Variants in MROH1 observed in about 807,000 individuals in gnomAD.
MROH1 encodes maestro heat like repeat family member 1, also known as maestro heat-like repeat-containing protein family member 1.
A neutral mutation model predicts 116.5 loss-of-function variants in MROH1; 117 were observed. That is an observed-to-expected ratio of 1.00 (90% CI 0.86 to 1.17). MROH1 has a LOEUF of 1.17. MROH1 is among the 50% of genes most tolerant of loss of function. The pLI is 0.00. For synonymous variants in MROH1, 921 were observed against 583.9 expected (o/e 1.58, Z -8.32); for missense variants, 1,873 against 1,338.5 (o/e 1.40, Z -6.23).
At chr8:144,253,492 C>T (rs906156098) in intron 33 of MROH1, among the ~76,000 whole-genome samples, 1 of 152,200 alleles carries the variant, frequency 6.6e-6, no homozygotes, top group East Asian at 1.9e-4. Context: ...CTGTTGTATG[C>T]AGCCTCATGG....
chr8:144,226,211 G>A (rs1013559694), intron 14 of MROH1, among the ~76,000 whole-genome samples: 1 of 151,646 alleles, frequency 6.6e-6, no homozygotes. Context: ...CACTGTGCCC[G>A]GCCTTTTGAG....
chr8:144,241,249 A>T, intron 21 of MROH1, 138 bp downstream of exon 21: 1 of 690,106 alleles, frequency 1.4e-6, no homozygotes, highest in Non-Finnish European at 2.7e-6. Flanking sequence ...GCGTATATGC[A>T]GAGAGGGTGT....
chr8:144,161,246 C>G (rs1819451339), intron 2 of MROH1, among the ~76,000 whole-genome samples, 157 bp downstream of exon 2: 1 of 152,214 alleles, frequency 6.6e-6, no homozygotes, highest in South Asian at 2.1e-4. Context: ...GGCCTGTACC[C>G]TTAATCTCAT....
At chr8:144,230,808 T>TC (rs1370736961) in intron 14 of MROH1, among the ~76,000 whole-genome samples, 7 of 143,820 alleles carry the variant, frequency 4.9e-5, no homozygotes, top group African/African-American at 1.9e-4. Context: ...TTTTCTTTTT[T>TC]TTTTTTTTTT....
In MROH1 at chr8:144,175,169, T is replaced by C. The variant is rs534160713; in HGVS notation, c.169-4286T>C. ...ATTAATGCCCTGCTGCACCTGAGCT[T>C]CTCCTCCCAGCAGCGGATCTGGTCG... On this transcript the variant is annotated intron_variant, in intron 4 of 43. Coordinates refer to ENST00000326134, the MANE Select transcript of MROH1 (RefSeq NM_032450.3). 6.2e-5 allele frequency: 61 copies of C among 983,320 alleles called. No individual in the cohort carries two copies. The African/African-American group carries it at 8.9e-4, about 14-fold the overall frequency. The allele number at this position is 983,320 out of a possible 1,614,324, so 60.9% of individuals were successfully genotyped here. A position where few individuals can be genotyped will look rare whatever the true frequency, so the allele number is the denominator to read the frequency against.
At chr8:144,238,208 G>A (rs1299104784) in intron 14 of MROH1, among the ~76,000 whole-genome samples, 3 of 151,086 alleles carry the variant, frequency 2.0e-5, no homozygotes, top group African/African-American at 7.3e-5. Flanking sequence ...TTCTGAAAGA[G>A]AGGGATTAGA....
chr8:144,258,810 C>G lies in MROH1; in HGVS notation c.3825C>G (p.Leu1275=). 2.6e-6 allele frequency: 2 copies of G among 769,450 alleles called. No individual in the cohort carries two copies. Among genetic ancestry groups the G allele is most frequent in the Non-Finnish European group, 4.8e-6 (2 of 414,502 alleles). The allele number at this position is 769,450 out of a possible 1,614,324, so 47.7% of individuals were successfully genotyped here. A position where few individuals can be genotyped will look rare whatever the true frequency, so the allele number is the denominator to read the frequency against. ...SAVDTLRSML[L]RSGSEDVVQR... is the part of the protein sequence containing the mutation. Reference sequence around the variant, plus strand: ...TGGACACCCTGCGGTCCATGCTACTCCGCAGCGGCAGCGAGGATGTGGTAC... The same window carrying G: ...TGGACACCCTGCGGTCCATGCTACTGCGCAGCGGCAGCGAGGATGTGGTAC... The change falls in exon 36 of 44, where the codon CTC becomes CTG. Residue 1275 remains leucine, a synonymous_variant. Transcript: ENST00000326134.
At chr8:144,169,805 G>A (rs528136393) in intron 4 of MROH1, among the ~76,000 whole-genome samples, 38 of 147,040 alleles carry the variant, frequency 2.6e-4, no homozygotes, top group African/African-American at 8.8e-4. Flanking sequence ...ACCACACACG[G>A]CTAATTTTGT....
At chr8:144,171,136 A>G (rs999955313) in intron 4 of MROH1, among the ~76,000 whole-genome samples, 23 of 152,194 alleles carry the variant, frequency 1.5e-4, no homozygotes, top group African/African-American at 5.1e-4. Context: ...CAGATCTGGC[A>G]GGTGGAGGGC....
chr8:144,175,748 C>T (rs1456623491), intron 4 of MROH1, among the ~76,000 whole-genome samples: 2 of 152,052 alleles, frequency 1.3e-5, no homozygotes, highest in East Asian at 1.9e-4. Flanking sequence ...ACACAGACCC[C>T]ATCTCTAAAA....
intron 19 of MROH1, 62 bp downstream of exon 19, chr8:144,240,215 G>C (rs1312794333): frequency 1.4e-6 from 1 of 698,564 alleles, no homozygotes; most frequent in African/African-American, 1.8e-5. Flanking sequence ...GGGGGTGCTG[G>C]GGTGGCAGAG....
At chr8:144,168,651 C>T (rs377488587) in intron 4 of MROH1, among the ~76,000 whole-genome samples, 2 of 152,292 alleles carry the variant, frequency 1.3e-5, no homozygotes, top group East Asian at 1.9e-4. Context: ...CCCCCCACCA[C>T]GGCACTGTTC....
At chr8:144,162,273 G>T (rs1022855875) in intron 2 of MROH1, among the ~76,000 whole-genome samples, 1 of 151,288 alleles carries the variant, frequency 6.6e-6, no homozygotes, top group Non-Finnish European at 1.5e-5. Flanking sequence ...TTTTAGTACA[G>T]ACTGGATTTT....
In MROH1 at chr8:144,258,920, C is replaced by A; in HGVS notation, c.3929+6C>A. ...GGGGCCACCAGGTTGGCCAGGTGAG[C>A]GGGCCCAGCCCACTGCAGCTCCAGC... On this transcript the variant is annotated splice_donor_region_variant and intron_variant, in intron 36 of 43. Transcript: ENST00000326134. 1.4e-6 allele frequency: 1 copy of A among 737,396 alleles called. No homozygotes were observed. The highest frequency in any genetic ancestry group is 2.5e-6 in the Non-Finnish European group (1 of 397,444). The allele number at this position is 737,396 out of a possible 1,614,324, so 45.7% of individuals were successfully genotyped here.
At chr8:144,166,540 G>T (rs558261988) in intron 3 of MROH1, among the ~76,000 whole-genome samples, 1 of 152,162 alleles carries the variant, frequency 6.6e-6, no homozygotes, top group Non-Finnish European at 1.5e-5. Flanking sequence ...ACTTGTCCCT[G>T]CTCCCTAGAG....
At chr8:144,186,864 A>G (rs1228393246) in intron 7 of MROH1, among the ~76,000 whole-genome samples, 3 of 150,802 alleles carry the variant, frequency 2.0e-5, no homozygotes, top group Non-Finnish European at 4.4e-5. Context: ...AGGCTGAGGC[A>G]GGCGGATTGC....
Position 144,254,838 on chromosome 8 carries a change from C to T in MROH1, c.3454C>T (p.Leu1152=), listed in dbSNP as rs940743848. 1 of 777,132 alleles carries T rather than the reference C, an allele frequency of 1.3e-6. No homozygotes were observed. Among genetic ancestry groups the T allele is most frequent in the Non-Finnish European group, 2.4e-6 (1 of 417,528 alleles). The allele number at this position is 777,132 out of a possible 1,614,324, so 48.1% of individuals were successfully genotyped here. A position where few individuals can be genotyped will look rare whatever the true frequency, so the allele number is the denominator to read the frequency against. ...DSHTCMLWRA[L]AVEPRLAAQV... The stretch of plus-strand genomic sequence containing the variant: ...CCACACCTGCATGCTGTGGCGGGCG[C>T]TGGCGGTGGAGCCTCGCCTAGCTGC... Residue 1152 remains leucine (L), a synonymous_variant, in exon 34 of 44, where the codon CTG becomes TTG. Coordinates refer to ENST00000326134, the MANE Select transcript of MROH1 (RefSeq NM_032450.3).
intron 12 of MROH1, among the ~76,000 whole-genome samples, chr8:144,220,331 G>A (rs367725964): frequency 2.0e-5 from 3 of 152,210 alleles, no homozygotes; most frequent in Admixed American, 1.3e-4. Flanking sequence ...CTTCCCCGGC[G>A]TTGGAACCTG....
chr8:144,239,007 A>AT (rs1240162719), intron 15 of MROH1, 28 bp from the exon 16 acceptor site: 28 of 776,098 alleles, frequency 3.6e-5, no homozygotes, highest in African/African-American at 6.8e-5. Flanking sequence ...CTCTGGGCGG[A>AT]TGCAGACCAG....
Sources: gnomAD v4.1 joint callset for allele counts (sites outside exome capture counted in the v4.1 genomes callset) on GRCh38, gnomAD v4.1.1 for gene constraint, MANE v1.5 for transcripts, NCBI Gene and HGNC (gene_info 2026-07-23, HGNC 2026-07-21) for gene names.